LRRC8D: variants seen among roughly 807,000 people sequenced by gnomAD.
LRRC8D encodes the protein volume-regulated anion channel subunit LRRC8D.
In LRRC8D, 20 loss-of-function variants were observed where a neutral mutation model predicts 55.8. The observed-to-expected ratio is 0.36, with a 90% CI of 0.25 to 0.52. The LOEUF (loss-of-function observed/expected upper bound fraction) is 0.52, where lower values mean the gene tolerates loss of function less well. Ranked by LOEUF, LRRC8D falls within the 20% of genes least tolerant of loss-of-function variation. The pLI is 0.93. For synonymous variants in LRRC8D, 352 were observed against 377.0 expected, an observed-to-expected ratio of 0.93 and a Z score of 0.77; for missense variants, 651 against 1,030.8, an observed-to-expected ratio of 0.63 and a Z score of 5.05.
chr1:89,832,142 A>G (rs776833819), intron 1 of LRRC8D, among the ~76,000 whole-genome samples: 31 of 152,302 alleles, frequency 2.0e-4, no homozygotes, highest in Non-Finnish European at 3.7e-4. Context: ...TGTGACCCCA[A>G]TAGTGCTCCT....
intron 1 of LRRC8D, among the ~76,000 whole-genome samples, chr1:89,833,936 C>G (rs1174987557): frequency 6.6e-6 from 1 of 152,136 alleles, no homozygotes; most frequent in Non-Finnish European, 1.5e-5. Context: ...GGGCTCTCTT[C>G]CAGTTTGCCT....
At position 89,859,553 on chromosome 1, in the gene LRRC8D, T is replaced by C. The variant is rs193009248; in HGVS notation, c.-3+15771T>C. Among the ~76,000 whole-genome samples the C allele has an allele frequency of 2.6e-3, 391 of 152,328 alleles. 1 individual carries two copies. Among genetic ancestry groups the C allele is most frequent in the African/African-American group, 8.9e-3 (372 of 41,568 alleles). ...GGAGGAAGAAATAATCCTCTCATTA[T>C]TTTCAATACAGGGAAAGAGGATTAT... On this transcript the variant is annotated intron_variant, in intron 2 of 2. Coordinates refer to ENST00000337338, the MANE Select transcript of LRRC8D (RefSeq NM_001134479.2).
intron 2 of LRRC8D, among the ~76,000 whole-genome samples, chr1:89,893,832 A>G (rs1418408813): frequency 6.6e-6 from 1 of 152,232 alleles, no homozygotes; most frequent in African/African-American, 2.4e-5. Context: ...ATCTGGAGTA[A>G]TTTAATTACC....
At chr1:89,926,664 A>T (rs1663572756) in intron 2 of LRRC8D, among the ~76,000 whole-genome samples, 1 of 152,246 alleles carries the variant, frequency 6.6e-6, no homozygotes, top group African/African-American at 2.4e-5. Flanking sequence ...GAGGTCATTT[A>T]AGCTTTTTGA....
intron 2 of LRRC8D, among the ~76,000 whole-genome samples, chr1:89,852,603 A>ATAGCAATAT (rs1661447518): frequency 6.6e-6 from 1 of 152,200 alleles, no homozygotes; most frequent in Non-Finnish European, 1.5e-5. Context: ...TTTATAACTT[A>ATAGCAATAT]AGGCACTTTA....
At chr1:89,890,586 T>TGATTTTTGATTTTTGGTTTTG (rs1553126699) in intron 2 of LRRC8D, among the ~76,000 whole-genome samples, 3 of 152,228 alleles carry the variant, frequency 2.0e-5, no homozygotes, top group Non-Finnish European at 4.4e-5. Context: ...TCCATGTTTT[T>TGATTTTTGATTTTTGGTTTTG]GATTTTTGAT....
intron 2 of LRRC8D, among the ~76,000 whole-genome samples, chr1:89,900,921 G>A (rs576137671): frequency 8.5e-5 from 13 of 152,304 alleles, no homozygotes; most frequent in African/African-American, 3.1e-4. Context: ...TTGCCATGGC[G>A]ACTGGAGGCC....
chr1:89,921,515 GT>G (rs997254894), intron 2 of LRRC8D, among the ~76,000 whole-genome samples: 29 of 151,312 alleles, frequency 1.9e-4, no homozygotes, highest in Middle Eastern at 3.4e-3. Context: ...ACTTTTAAAG[GT>G]TTTTTTTGTT....
At chr1:89,929,120 A>G (rs113271968) in intron 2 of LRRC8D, among the ~76,000 whole-genome samples, 3,334 of 152,332 alleles carry the variant, frequency 0.022, 115 homozygotes, top group African/African-American at 0.068. Flanking sequence ...GCATATCTTC[A>G]TTGAATTGGT....
chr1:89,894,480 A>G (rs185416082), intron 2 of LRRC8D, among the ~76,000 whole-genome samples: 2 of 152,342 alleles, frequency 1.3e-5, no homozygotes, highest in African/African-American at 2.4e-5. Flanking sequence ...TTCAGAACAT[A>G]GGAAATTGAG....
chr1:89,923,908 C>T (rs1663487533), intron 2 of LRRC8D, among the ~76,000 whole-genome samples: 2 of 152,216 alleles, frequency 1.3e-5, no homozygotes, highest in Admixed American at 1.3e-4. Flanking sequence ...CCCGTCCTTT[C>T]ACCATATACA....
chr1:89,919,958 G>A (rs1388181930), intron 2 of LRRC8D, among the ~76,000 whole-genome samples: 1 of 152,166 alleles, frequency 6.6e-6, no homozygotes, highest in Non-Finnish European at 1.5e-5. Context: ...CTGAGTTCAT[G>A]ATTTAAGGGA....
chr1:89,925,618 G>A (rs898333495), intron 2 of LRRC8D, among the ~76,000 whole-genome samples: 3 of 152,130 alleles, frequency 2.0e-5, no homozygotes, highest in Admixed American at 6.5e-5. Context: ...GGATCATAAT[G>A]TACTTAATAT....
At chr1:89,898,423 A>G (rs1381838922) in intron 2 of LRRC8D, among the ~76,000 whole-genome samples, 2 of 152,230 alleles carry the variant, frequency 1.3e-5, no homozygotes, top group Non-Finnish European at 2.9e-5. Context: ...CGCAAATTCT[A>G]CGAAGGAAAT....
rs201589297 is a variant in LRRC8D, at chr1:89,933,579, A to G, written c.511A>G (p.Ile171Val). Residue 171 changes from isoleucine (I) to valine (V), a missense_variant, in exon 3 of 3, where the codon ATA becomes GTA. Transcript: ENST00000337338. This position sits in a 1 kb window ranked among gnomAD's most constrained non-coding sequence, Gnocchi z 7.0. ...TAAGTACTTTCCATACCTAGCTCTT[A>G]TACATACTATTATTCTCATGGTCAG... ...YSKYFPYLAL[I>V]HTIILMVSSN... The G allele has an allele frequency of 1.2e-6, 2 of 1,614,160 alleles. No individual in the cohort carries two copies. Among genetic ancestry groups the G allele is most frequent in the Non-Finnish European group, 1.7e-6 (2 of 1,180,016 alleles).
At chr1:89,830,328 C>G (rs990411634) in intron 1 of LRRC8D, among the ~76,000 whole-genome samples, 2 of 152,172 alleles carry the variant, frequency 1.3e-5, no homozygotes, top group Non-Finnish European at 2.9e-5. Flanking sequence ...CAAAACACAC[C>G]CTTCCTACAA....
chr1:89,853,814 G>A (rs574349827), intron 2 of LRRC8D, among the ~76,000 whole-genome samples: 4 of 152,298 alleles, frequency 2.6e-5, no homozygotes, highest in East Asian at 3.9e-4. Context: ...AGTGAGGAAT[G>A]AGGAGGAGTT....
intron 2 of LRRC8D, among the ~76,000 whole-genome samples, chr1:89,846,220 CAG>C (rs1474690262): frequency 4.6e-5 from 7 of 152,108 alleles, no homozygotes; most frequent in African/African-American, 1.7e-4. Flanking sequence ...CATTTAAGAA[CAG>C]AGTCTCCTTC....
Position 89,843,701 on chromosome 1 carries a change from G to A in LRRC8D, c.-84G>A. 1 of 702,102 alleles carries A rather than the reference G, an allele frequency of 1.4e-6. No homozygotes were observed. Among genetic ancestry groups the A allele is most frequent in the Non-Finnish European group, 2.6e-6 (1 of 384,724 alleles). The allele number at this position is 702,102 out of a possible 1,614,324, so 43.5% of individuals were successfully genotyped here. ...GGATGGAGGAGTGAAGTCTCCTGTCGCCGTGGTTCCAGCCTCCGGAGCTCG... is the reference window on the plus strand; with the variant it reads ...GGATGGAGGAGTGAAGTCTCCTGTCACCGTGGTTCCAGCCTCCGGAGCTCG... On this transcript the variant is annotated 5_prime_UTR_variant, in exon 2 of 3. Transcript: ENST00000337338.
Sources: gnomAD v4.1 joint callset for allele counts (sites outside exome capture counted in the v4.1 genomes callset) on GRCh38, gnomAD v4.1.1 for gene constraint, Gnocchi (gnomAD v3.1) non-coding constraint, MANE v1.5 for transcripts, NCBI Gene and HGNC (gene_info 2026-07-23, HGNC 2026-07-21) for gene names.